CCNC: variants seen among roughly 807,000 people sequenced by gnomAD.
The protein encoded by CCNC is cyclin-C.
CCNC carries 19 observed loss-of-function variants against 50.0 expected under a neutral mutation model. The ratio of observed to expected loss-of-function variants is 0.38; its 90% CI spans 0.27 to 0.56. The LOEUF (loss-of-function observed/expected upper bound fraction) is 0.56. Among genes scored for constraint, CCNC ranks in the 20% least tolerant of loss-of-function variants. The pLI is 0.72. For synonymous variants in CCNC, 93 were observed against 103.7 expected (o/e 0.90, Z 0.63); for missense variants, 200 against 327.1 (o/e 0.61, Z 3.00).
At chr6:99,563,521 G>A (rs182436973) in intron 1 of CCNC, among the ~76,000 whole-genome samples, 1 of 152,220 alleles carries the variant, frequency 6.6e-6, no homozygotes, top group East Asian at 1.9e-4. Context: ...AAACTATCTT[G>A]AACCTGTGTT....
chr6:99,568,556 A>G lies in CCNC; in HGVS notation c.-29T>C. 6.2e-7 allele frequency: 1 copy of G among 1,606,938 alleles called. No individual in the cohort carries two copies. Among genetic ancestry groups the G allele is most frequent in the Non-Finnish European group, 8.5e-7 (1 of 1,177,132 alleles). Reference sequence around the variant, plus strand: ...ACACAGCTTGCCCTGATAAAAAAGCACCAGCCGGCGGAGCGGCCCGCGGAG... The same window carrying G: ...ACACAGCTTGCCCTGATAAAAAAGCGCCAGCCGGCGGAGCGGCCCGCGGAG... On this transcript the variant is annotated 5_prime_UTR_variant, in exon 1 of 12. Transcript: ENST00000520429.
intron 2 of CCNC, 132 bp from the exon 3 acceptor site, chr6:99,561,813 CTATG>C (rs1451068949): frequency 1.7e-6 from 1 of 582,142 alleles, no homozygotes; most frequent in African/African-American, 1.9e-5. Context: ...TACACATGCT[CTATG>C]TGAGTCACAG....
At chr6:99,552,651 A>G (rs1479081812) in intron 5 of CCNC, among the ~76,000 whole-genome samples, 7 of 152,232 alleles carry the variant, frequency 4.6e-5, no homozygotes, top group Non-Finnish European at 7.3e-5. Flanking sequence ...ATTATGACAC[A>G]TTTAATTCAA....
chr6:99,550,705 A>C (rs1802257052), intron 7 of CCNC: 1 of 246,572 alleles, frequency 4.1e-6, no homozygotes, highest in Non-Finnish European at 7.6e-6. Flanking sequence ...AATTGTGCAC[A>C]TAATTTATGG....
chr6:99,562,925 T>C lies in CCNC; in HGVS notation c.56A>G (p.Gln19Arg), dbSNP rs1251893221. ...CTTTTGGCGCTCCTTCAACAGATCT[T>C]GTTTATCCAAAATCCATTGCAAACT... Reference protein sequence around the residue: ...SHYLQWILDKQDLLKERQKDL... With the variant: ...SHYLQWILDKRDLLKERQKDL... Residue 19 changes from glutamine to arginine, a missense_variant, in exon 2 of 12, where the codon CAA (glutamine) becomes CGA (arginine). Physicochemically the swap from Gln to Arg is conservative, Grantham distance 43 (BLOSUM62 1). Coordinates refer to ENST00000520429, the MANE Select transcript of CCNC (RefSeq NM_005190.4). 6.2e-7 allele frequency: 1 copy of C among 1,605,422 alleles called. No homozygotes were observed. The highest frequency in any genetic ancestry group is 8.5e-7 in the Non-Finnish European group (1 of 1,176,738).
chr6:99,550,879 A>AT, intron 7 of CCNC, 114 bp downstream of exon 7: 1 of 473,566 alleles, frequency 2.1e-6, no homozygotes, highest in Non-Finnish European at 3.6e-6. Flanking sequence ...TCACCATCAC[A>AT]TATTAGGTGG....
In CCNC at chr6:99,550,160, T is replaced by C. The variant is rs1421124572; in HGVS notation, c.530+58A>G. On this transcript the variant is annotated intron_variant, in intron 8 of 11. Coordinates refer to ENST00000520429, the MANE Select transcript of CCNC (RefSeq NM_005190.4). ...TAAAAATACTTAACTTCATATTTAA[T>C]TGTCAACCTTCCTATCTAATAACAT... is the stretch of plus-strand genomic sequence containing the variant. 3.4e-6 allele frequency: 4 copies of C among 1,189,694 alleles called. No homozygotes were observed. The Admixed American group carries it at 8.1e-5, about 24-fold the overall frequency. 73.7% of individuals were successfully genotyped at this position (1,189,694 alleles called of 1,614,324 possible). A position where few individuals can be genotyped will look rare whatever the true frequency, so the allele number is the denominator to read the frequency against.
chr6:99,554,713 T>C (rs1236666456), intron 5 of CCNC, among the ~76,000 whole-genome samples: 1 of 152,216 alleles, frequency 6.6e-6, no homozygotes, highest in African/African-American at 2.4e-5. Context: ...CATTAAGAGA[T>C]GGTCCAGGTC....
Position 99,543,966 on chromosome 6 carries a change from C to T in CCNC, c.798-357G>A. 4.2e-6 allele frequency: 5 copies of T among 1,198,114 alleles called. No individual in the cohort carries two copies. In the South Asian group the frequency reaches 1.3e-4, roughly 31 times the overall value. The allele number at this position is 1,198,114 out of a possible 1,614,324, so 74.2% of individuals were successfully genotyped here. ...AAATTTCCTATAAAATTAAATCTTA[C>T]ATATAAAATCCTATTCCTACTATTT... is the stretch of plus-strand genomic sequence containing the variant. On this transcript the variant is annotated intron_variant, in intron 11 of 11. Coordinates refer to ENST00000520429, the MANE Select transcript of CCNC (RefSeq NM_005190.4).
chr6:99,545,886 A>G (rs949331377), intron 10 of CCNC, among the ~76,000 whole-genome samples: 4 of 152,224 alleles, frequency 2.6e-5, no homozygotes, highest in Non-Finnish European at 5.9e-5. Context: ...TTTGCAACCA[A>G]TTAAACCAAA....
chr6:99,564,630 A>AT (rs908914946), intron 1 of CCNC, among the ~76,000 whole-genome samples: 5 of 151,930 alleles, frequency 3.3e-5, no homozygotes, highest in African/African-American at 7.3e-5. Flanking sequence ...GGGATTACCG[A>AT]TTTTTTTAAT....
Position 99,543,622 on chromosome 6 carries a change from G to A in CCNC, c.798-13C>T. On this transcript the variant is annotated splice_polypyrimidine_tract_variant and intron_variant, in intron 11 of 11. Coordinates refer to ENST00000520429, the MANE Select transcript of CCNC (RefSeq NM_005190.4). Reference sequence around the variant, plus strand: ...CTGCTCTCCTTCACTGTTCAAATGGGGAAGAAAGAGATTTTATACCAATTA... The same window carrying A: ...CTGCTCTCCTTCACTGTTCAAATGGAGAAGAAAGAGATTTTATACCAATTA... The A allele has an allele frequency of 6.2e-7, 1 of 1,612,490 alleles. No individual in the cohort carries two copies. Among genetic ancestry groups the A allele is most frequent in the Non-Finnish European group, 8.5e-7 (1 of 1,179,118 alleles).
chr6:99,543,444 G>A lies in CCNC; in HGVS notation c.*111C>T. The stretch of plus-strand genomic sequence containing the variant: ...CAAAAATAAAATCACTTTCCAATAT[G>A]CTTGACAGAAACAAGCTATTCATTT... On this transcript the variant is annotated 3_prime_UTR_variant, in exon 12 of 12. Coordinates refer to ENST00000520429, the MANE Select transcript of CCNC (RefSeq NM_005190.4). The A allele has an allele frequency of 1.7e-6, 2 of 1,176,454 alleles. No individual in the cohort carries two copies. Among genetic ancestry groups the A allele is most frequent in the Admixed American group, 4.0e-5 (2 of 50,550 alleles). 72.9% of individuals were successfully genotyped at this position (1,176,454 alleles called of 1,614,324 possible).
At chr6:99,563,947 C>T (rs1768983820) in intron 1 of CCNC, among the ~76,000 whole-genome samples, 1 of 151,970 alleles carries the variant, frequency 6.6e-6, no homozygotes, top group Admixed American at 6.6e-5. Flanking sequence ...TGATATTCTT[C>T]TTAATGAATA....
rs1380766885 is a variant in CCNC, at chr6:99,543,566, T to C, written c.841A>G (p.Ser281Gly). 2 of 1,613,500 alleles carry C rather than the reference T, an allele frequency of 1.2e-6. No individual in the cohort carries two copies. Among genetic ancestry groups the C allele is most frequent in the Non-Finnish European group, 1.7e-6 (2 of 1,179,576 alleles). The part of the protein sequence containing the change: ...GPNGSQNSSY[S>G]QS Reference sequence around the variant, plus strand: ...TTCTTCGGAATGTTTTAAGATTGGCTGTAGCTAGAGTTCTGACTTCCATTT... The same window carrying C: ...TTCTTCGGAATGTTTTAAGATTGGCCGTAGCTAGAGTTCTGACTTCCATTT... The change falls in exon 12 of 12, where the codon AGC becomes GGC. Residue 281 changes from serine (S) to glycine (G), a missense_variant. By Grantham distance (56) the Ser-to-Gly change is moderately conservative. Coordinates refer to ENST00000520429, the MANE Select transcript of CCNC (RefSeq NM_005190.4).
chr6:99,556,688 A>G (rs536464159), intron 5 of CCNC, among the ~76,000 whole-genome samples: 1 of 152,344 alleles, frequency 6.6e-6, no homozygotes, highest in South Asian at 2.1e-4. Flanking sequence ...CTGTAATCTC[A>G]GCACTTTGGG....
intron 11 of CCNC, chr6:99,544,187 T>G (rs750394302): frequency 3.3e-6 from 5 of 1,521,440 alleles, no homozygotes; most frequent in Non-Finnish European, 4.4e-6. Context: ...ACCAGTAACT[T>G]TGGCAATAGG....
intron 1 of CCNC, among the ~76,000 whole-genome samples, chr6:99,566,472 T>C (rs941334402): frequency 6.6e-6 from 1 of 152,096 alleles, no homozygotes; most frequent in Non-Finnish European, 1.5e-5. Flanking sequence ...CAATAAAGTA[T>C]CCACAGTTAG....
intron 6 of CCNC, 104 bp from the exon 7 acceptor site, chr6:99,551,132 A>T (rs1397828135): frequency 1.3e-5 from 7 of 555,784 alleles, no homozygotes; most frequent in Non-Finnish European, 1.8e-5. Context: ...TTTATCAAAA[A>T]TTTTTACTAA....
Sources: gnomAD v4.1 joint callset for allele counts (sites outside exome capture counted in the v4.1 genomes callset) on GRCh38, gnomAD v4.1.1 for gene constraint, MANE v1.5 for transcripts, NCBI Gene and HGNC (gene_info 2026-07-23, HGNC 2026-07-21) for gene names.